L3MBTL4: variants seen among roughly 807,000 people sequenced by gnomAD.
The protein encoded by L3MBTL4 is lethal(3)malignant brain tumor-like protein 4.
A neutral mutation model predicts 84.5 loss-of-function variants in L3MBTL4; 70 were observed. The observed-to-expected ratio is 0.83, with a 90% confidence interval of 0.68 to 1.01. The LOEUF is 1.01. Among genes scored for constraint, L3MBTL4 ranks in the 50% least tolerant of loss-of-function variants. The probability of loss-of-function intolerance (pLI) is 0.00; values close to 1 mark genes in which losing one functional copy is unlikely to be tolerated. For synonymous variants in L3MBTL4, 274 were observed against 259.8 expected (o/e 1.05, Z -0.52); for missense variants, 715 against 754.8 (o/e 0.95, Z 0.62).
chr18:6,093,910 G>A (rs1478882779), intron 14 of L3MBTL4, among the ~76,000 whole-genome samples: 1 of 152,166 alleles, frequency 6.6e-6, no homozygotes, highest in Non-Finnish European at 1.5e-5. Context: ...AAGACTATGG[G>A]TAACTAAGCA....
In L3MBTL4 at chr18:6,093,450, CTG is replaced by C. The variant is rs765766082; in HGVS notation, c.1276_1277del (p.Gln426GlyfsTer17). 1.2e-6 allele frequency: 2 copies of C among 1,614,022 alleles called. No homozygotes were observed. Among genetic ancestry groups the C allele is most frequent in the Admixed American group, 1.7e-5 (1 of 60,014 alleles). ...TLHDRLREQT[Q>X]ANLESDSSHS... ...GTGAAGAGTCTGATTCCAAATTTGC[CTG>C]TGTTTGTTCTCTCAAACGATCGTGA... On this transcript the variant is annotated frameshift_variant, in exon 15 of 19. Transcript: ENST00000317931. LOFTEE classifies it high-confidence loss of function.
chr18:6,329,156 T>C (rs397832226), intron 1 of L3MBTL4, among the ~76,000 whole-genome samples: 502 of 93,538 alleles, frequency 5.4e-3, no homozygotes, highest in African/African-American at 0.032. Context: ...CTTTTCTTTT[T>C]TTTTTTTTTT....
intron 1 of L3MBTL4, among the ~76,000 whole-genome samples, chr18:6,329,350 T>G (rs2051902506): frequency 6.6e-6 from 1 of 151,846 alleles, no homozygotes; most frequent in Non-Finnish European, 1.5e-5. Context: ...AGACGGGGTT[T>G]CATCCTGTTA....
intron 5 of L3MBTL4, among the ~76,000 whole-genome samples, chr18:6,254,383 C>T (rs1335421559): frequency 6.9e-6 from 1 of 145,578 alleles, no homozygotes; most frequent in Non-Finnish European, 1.5e-5. Flanking sequence ...GCAAGGCATG[C>T]TTCAAATTCC....
chr18:6,139,319 T>A (rs568434761), intron 13 of L3MBTL4, among the ~76,000 whole-genome samples: 25 of 152,252 alleles, frequency 1.6e-4, no homozygotes, highest in African/African-American at 6.0e-4. Context: ...TATGCTACAC[T>A]GTGCTATATT....
intron 16 of L3MBTL4, among the ~76,000 whole-genome samples, chr18:5,972,588 C>G (rs2144843666): frequency 6.6e-6 from 1 of 152,306 alleles, no homozygotes; most frequent in East Asian, 1.9e-4. Flanking sequence ...CAACGCAAGA[C>G]TAATTTGCAT....
intron 10 of L3MBTL4, among the ~76,000 whole-genome samples, chr18:6,237,094 C>T (rs562793015): frequency 3.3e-5 from 5 of 152,116 alleles, no homozygotes; most frequent in Admixed American, 6.5e-5. Context: ...AGGGATTTGA[C>T]AGAGCAAGTC....
intron 1 of L3MBTL4, among the ~76,000 whole-genome samples, chr18:6,370,960 G>A (rs2054136660): frequency 6.6e-6 from 1 of 152,188 alleles, no homozygotes; most frequent in African/African-American, 2.4e-5. Context: ...ACAGAGCATT[G>A]TGGGGAATGC....
At chr18:6,267,958 C>A (rs1408720141) in intron 4 of L3MBTL4, among the ~76,000 whole-genome samples, 1 of 152,144 alleles carries the variant, frequency 6.6e-6, no homozygotes, top group Non-Finnish European at 1.5e-5. Flanking sequence ...CTCTGTTTCT[C>A]ACCATGTTGT....
chr18:6,238,821 C>A (rs953324862), intron 9 of L3MBTL4, among the ~76,000 whole-genome samples: 6 of 150,796 alleles, frequency 4.0e-5, no homozygotes, highest in African/African-American at 1.5e-4. Flanking sequence ...CATAAAGAAC[C>A]ACTGCCTCAG....
At chr18:6,336,589 G>C (rs1321324637) in intron 1 of L3MBTL4, among the ~76,000 whole-genome samples, 2 of 152,176 alleles carry the variant, frequency 1.3e-5, no homozygotes, top group African/African-American at 2.4e-5. Context: ...GAATGCTTGA[G>C]GAATAAGGTC....
intron 16 of L3MBTL4, among the ~76,000 whole-genome samples, chr18:5,988,115 A>G (rs1474669405): frequency 6.6e-6 from 1 of 152,244 alleles, no homozygotes; most frequent in Non-Finnish European, 1.5e-5. Context: ...CAGAGATGGC[A>G]GAGACTTCAC....
At chr18:6,143,979 C>A (rs1185540278) in intron 13 of L3MBTL4, among the ~76,000 whole-genome samples, 1 of 152,048 alleles carries the variant, frequency 6.6e-6, no homozygotes, top group Non-Finnish European at 1.5e-5. Flanking sequence ...TGGCGGATCA[C>A]AAGGTCAGGA....
At chr18:5,963,532 C>G (rs540524484) in intron 17 of L3MBTL4, among the ~76,000 whole-genome samples, 1 of 152,226 alleles carries the variant, frequency 6.6e-6, no homozygotes, top group Non-Finnish European at 1.5e-5. Context: ...GCTTCACACT[C>G]CTCTGAAAGG....
rs540819727 is a variant in L3MBTL4, at chr18:6,379,812, C to T, written c.-91+34989G>A. ...TTTTGTCTCTGCCAGGTTTTGGTATCGGAATGATGCTGGCCTCATAAAATG... is the reference window on the plus strand; with the variant it reads ...TTTTGTCTCTGCCAGGTTTTGGTATTGGAATGATGCTGGCCTCATAAAATG... On this transcript the variant is annotated intron_variant, in intron 1 of 18. Coordinates refer to ENST00000317931, the MANE Select transcript of L3MBTL4 (RefSeq NM_001330559.2). Among the ~76,000 whole-genome samples the T allele has an allele frequency of 1.8e-3, 274 of 152,238 alleles. 1 individual carries two copies. The highest frequency in any genetic ancestry group is 2.8e-3 in the Non-Finnish European group (189 of 68,024).
At chr18:6,306,649 T>C (rs1368688183) in intron 3 of L3MBTL4, among the ~76,000 whole-genome samples, 3 of 152,236 alleles carry the variant, frequency 2.0e-5, no homozygotes, top group Non-Finnish European at 2.9e-5. Flanking sequence ...TAAAGGCCAG[T>C]GGCCACCATC....
rs186845394 is a variant in L3MBTL4 at position 5,955,662 on chromosome 18, T to G, written c.*558A>C. 6.6e-6 allele frequency: 1 copy of G among 152,326 alleles called. No individual in the cohort carries two copies. Among genetic ancestry groups the G allele is most frequent in the East Asian group, 1.9e-4 (1 of 5,186 alleles). The allele number at this position is 152,326 out of a possible 1,614,324, so 9.4% of individuals were successfully genotyped here. On this transcript the variant is annotated 3_prime_UTR_variant, in exon 19 of 19. Transcript: ENST00000317931. ...AGAATTAATGAATCATGAAAACATG[T>G]GCTTATTATTATTATTTTTTAGAGA... is the stretch of plus-strand genomic sequence containing the variant.
Position 6,244,468 on chromosome 18 carries a change from T to G in L3MBTL4, c.324+16A>C. On this transcript the variant is annotated intron_variant, in intron 6 of 18. Transcript: ENST00000317931. ...TCACTAGGCAATTAGCCCAAGACAG[T>G]AACACCACCTCTTACCTCCGCTACA... 6.5e-7 allele frequency: 1 copy of G among 1,540,282 alleles called. No individual in the cohort carries two copies. Among genetic ancestry groups the G allele is most frequent in the Non-Finnish European group, 9.0e-7 (1 of 1,113,724 alleles).
chr18:6,065,482 T>G (rs886513148), intron 16 of L3MBTL4, among the ~76,000 whole-genome samples: 2 of 152,008 alleles, frequency 1.3e-5, no homozygotes, highest in African/African-American at 2.4e-5. Context: ...GTCCTGGACT[T>G]TTTTGTTGTT....
Sources: allele counts gnomAD v4.1 joint callset (sites outside exome capture counted in the v4.1 genomes callset), GRCh38; gene constraint gnomAD v4.1.1; transcripts MANE v1.5; gene names NCBI Gene and HGNC (gene_info 2026-07-23, HGNC 2026-07-21).